ZNF385D: variants seen among roughly 807,000 people sequenced by gnomAD.
ZNF385D encodes the protein zinc finger protein 385D.
ZNF385D carries 15 observed loss-of-function variants against 35.8 expected under a neutral mutation model. The ratio of observed to expected loss-of-function variants is 0.42; its 90% CI spans 0.28 to 0.64. The LOEUF (loss-of-function observed/expected upper bound fraction) is 0.64. Ranked by LOEUF, ZNF385D falls within the 30% of genes least tolerant of loss-of-function variation. The pLI, the probability that ZNF385D is intolerant of heterozygous loss-of-function variation, is 0.23. For missense variants in ZNF385D, 474 were observed against 494.6 expected (o/e 0.96, Z 0.39); for synonymous variants, 212 against 186.8 (o/e 1.13, Z -1.10).
At chr3:22,049,642 C>T (rs1163135465) in intron 3 of ZNF385D, among the ~76,000 whole-genome samples, 4 of 152,122 alleles carry the variant, frequency 2.6e-5, no homozygotes, top group Admixed American at 6.5e-5. Flanking sequence ...GTTATTAATA[C>T]CCGTGGACTT....
upstream of ZNF385D, among the ~76,000 whole-genome samples, chr3:21,753,735 G>T (rs2070209163): frequency 6.6e-6 from 1 of 150,480 alleles, no homozygotes; most frequent in Admixed American, 6.6e-5. Context: ...TTATTTATTT[G>T]TATACATTTA....
At chr3:22,207,204 G>T (rs1346319985) in intron 2 of ZNF385D, among the ~76,000 whole-genome samples, 1 of 151,824 alleles carries the variant, frequency 6.6e-6, no homozygotes, top group Non-Finnish European at 1.5e-5. Context: ...ATTGTATGCA[G>T]TAGGTTGGTA....
intron 1 of ZNF385D, among the ~76,000 whole-genome samples, chr3:21,674,314 A>G (rs2066658950): frequency 6.6e-6 from 1 of 152,122 alleles, no homozygotes; most frequent in African/African-American, 2.4e-5. Context: ...TGAGGGTATC[A>G]TAATGGAGAC....
intron 1 of ZNF385D, among the ~76,000 whole-genome samples, chr3:21,705,334 A>G (rs933846997): frequency 3.3e-5 from 5 of 152,188 alleles, no homozygotes; most frequent in Admixed American, 2.0e-4. Flanking sequence ...AACATCAGAA[A>G]TATTTTCTTG....
chr3:22,262,602 CTG>C (rs1453015904), intron 2 of ZNF385D, among the ~76,000 whole-genome samples: 1 of 151,840 alleles, frequency 6.6e-6, no homozygotes, highest in African/African-American at 2.4e-5. Context: ...CATTTGGCAA[CTG>C]TAACTAAGAA....
intron 1 of ZNF385D, among the ~76,000 whole-genome samples, chr3:21,742,187 T>C (rs1260350025): frequency 6.6e-6 from 1 of 152,226 alleles, no homozygotes; most frequent in African/African-American, 2.4e-5. Flanking sequence ...CTGTCAGACT[T>C]TTCAACTGAT....
At chr3:21,577,630 GT>G (rs1344733334) in intron 2 of ZNF385D, among the ~76,000 whole-genome samples, 2 of 152,094 alleles carry the variant, frequency 1.3e-5, no homozygotes, top group Admixed American at 6.6e-5. Context: ...CCCACCAACA[GT>G]GTATAGAAAG....
intron 3 of ZNF385D, among the ~76,000 whole-genome samples, chr3:21,548,871 A>G (rs755266297): frequency 6.6e-6 from 1 of 152,190 alleles, no homozygotes; most frequent in Non-Finnish European, 1.5e-5. Flanking sequence ...TCAGTAGCCT[A>G]TTGCCCTTGA....
chr3:21,972,193 A>G (rs995255570), intron 3 of ZNF385D, among the ~76,000 whole-genome samples: 1 of 152,050 alleles, frequency 6.6e-6, no homozygotes, highest in African/African-American at 2.4e-5. Flanking sequence ...AGGATAGACC[A>G]TATAATAGGA....
intron 3 of ZNF385D, among the ~76,000 whole-genome samples, chr3:21,966,139 T>A (rs967042039): frequency 6.6e-6 from 1 of 152,178 alleles, no homozygotes; most frequent in East Asian, 1.9e-4. Context: ...TTGTAGGTTC[T>A]CCATACTGAG....
intron 3 of ZNF385D, among the ~76,000 whole-genome samples, chr3:22,096,538 C>G (rs548178788): frequency 8.6e-5 from 13 of 151,962 alleles, no homozygotes; most frequent in Non-Finnish European, 1.3e-4. Flanking sequence ...AAATGCTTTA[C>G]GAATACTTGA....
intron 3 of ZNF385D, among the ~76,000 whole-genome samples, chr3:21,525,641 G>A (rs1015554924): frequency 1.4e-4 from 19 of 137,256 alleles, no homozygotes; most frequent in Admixed American, 3.2e-4. Context: ...CAGAGATCGC[G>A]CCACTGCACT....
intron 1 of ZNF385D, among the ~76,000 whole-genome samples, chr3:21,679,855 A>G (rs1282571818): frequency 1.3e-5 from 2 of 152,058 alleles, no homozygotes; most frequent in African/African-American, 4.8e-5. Flanking sequence ...AAGTCATCCT[A>G]TATGGAAATA....
chr3:22,205,003 A>G (rs1697055378), intron 2 of ZNF385D, among the ~76,000 whole-genome samples: 1 of 149,620 alleles, frequency 6.7e-6, no homozygotes, highest in Non-Finnish European at 1.5e-5. Context: ...AAAAAAATCA[A>G]TATCCATGTA....
intron 2 of ZNF385D, among the ~76,000 whole-genome samples, chr3:22,294,869 A>G (rs1702485858): frequency 6.6e-6 from 1 of 152,192 alleles, no homozygotes; most frequent in Admixed American, 6.5e-5. Flanking sequence ...ACTATTAGAT[A>G]TCCTTTGTGT....
intron 3 of ZNF385D, among the ~76,000 whole-genome samples, chr3:21,817,123 C>T (rs1447013205): frequency 1.7e-4 from 26 of 152,268 alleles, no homozygotes; most frequent in Admixed American, 1.7e-3. Flanking sequence ...GGAAAACTGG[C>T]TAGCCATATA....
At chr3:21,789,560 T>C (rs986786194) in intron 3 of ZNF385D, among the ~76,000 whole-genome samples, 5 of 152,256 alleles carry the variant, frequency 3.3e-5, no homozygotes, top group African/African-American at 7.2e-5. Context: ...ATATACAGAT[T>C]AATAAAAAGC....
At chr3:22,127,637 G>A (rs1303114307) in intron 3 of ZNF385D, among the ~76,000 whole-genome samples, 2 of 151,952 alleles carry the variant, frequency 1.3e-5, no homozygotes, top group East Asian at 3.9e-4. Flanking sequence ...ACCGTGCCTG[G>A]CCCTAAATGT....
chr3:21,727,734 A>C (rs968355603), intron 1 of ZNF385D, among the ~76,000 whole-genome samples: 3 of 152,228 alleles, frequency 2.0e-5, no homozygotes, highest in Non-Finnish European at 4.4e-5. Context: ...AATTAGTTCA[A>C]CCACTGTGGA....
Sources: allele counts gnomAD v4.1 joint callset (sites outside exome capture counted in the v4.1 genomes callset), GRCh38; gene constraint gnomAD v4.1.1; transcripts MANE v1.5; gene names NCBI Gene and HGNC (gene_info 2026-07-23, HGNC 2026-07-21).